Variants in GLT1D1 observed in about 807,000 individuals in gnomAD.
GLT1D1 encodes glycosyltransferase 1 domain-containing protein 1.
GLT1D1 carries 21 observed loss-of-function variants against 28.7 expected under a neutral mutation model. The ratio of observed to expected loss-of-function variants is 0.73; its 90% confidence interval spans 0.52 to 1.05. GLT1D1 has a LOEUF of 1.05. Ranked by LOEUF, GLT1D1 falls within the 50% of genes least tolerant of loss-of-function variation. The probability of loss-of-function intolerance (pLI) is 0.00; values close to 1 mark genes in which losing one functional copy is unlikely to be tolerated. For missense variants in GLT1D1, 343 were observed against 330.6 expected, an observed-to-expected ratio of 1.04 and a Z score of -0.29; for synonymous variants, 147 against 124.8, an observed-to-expected ratio of 1.18 and a Z score of -1.19.
chr12:128,899,093 A>G lies in GLT1D1; in HGVS notation c.324-143A>G, dbSNP rs920858419. On this transcript the variant is annotated intron_variant, in intron 3 of 7. Transcript: ENST00000281703. ...GAGTTGAGATTAAACCTAATGGCCA[A>G]TGACCACAAGTAATAAAGATTGATT... 1.1e-5 allele frequency: 7 copies of G among 646,452 alleles called. No homozygotes were observed. In the African/African-American group the frequency reaches 1.3e-4, roughly 12 times the overall value. 40.0% of individuals were successfully genotyped at this position (646,452 alleles called of 1,614,324 possible).
chr12:128,887,125 C>A (rs771999308), intron 2 of GLT1D1, among the ~76,000 whole-genome samples: 7 of 151,868 alleles, frequency 4.6e-5, no homozygotes, highest in Non-Finnish European at 8.8e-5. Context: ...GATTCTCATG[C>A]CTCAGCCTTC....
At chr12:128,967,692 AC>A (rs1256253452) in intron 7 of GLT1D1, among the ~76,000 whole-genome samples, 1 of 152,108 alleles carries the variant, frequency 6.6e-6, no homozygotes, top group Non-Finnish European at 1.5e-5. Flanking sequence ...TTCCCGTCTC[AC>A]TCTTACTTCG....
At chr12:128,879,296 T>C (rs774578329) in intron 2 of GLT1D1, among the ~76,000 whole-genome samples, 1 of 152,276 alleles carries the variant, frequency 6.6e-6, no homozygotes, top group South Asian at 2.1e-4. Flanking sequence ...CTTCCTGATG[T>C]TCTCCCTCTT....
At position 128,926,356 on chromosome 12, in the gene GLT1D1, C is replaced by T. The variant is rs1412209698; in HGVS notation, c.376-18970C>T. On this transcript the variant is annotated intron_variant, in intron 4 of 7. Transcript: ENST00000281703. ...GAAAACATTCTGAACTCTTCTCTTA[C>T]AGAGATTAACCAAAGTGCTGATAAT... The T allele has an allele frequency of 1.4e-6, 2 of 1,475,508 alleles. No individual in the cohort carries two copies. The highest frequency in any genetic ancestry group is 2.8e-5 in the African/African-American group (2 of 71,898). The allele number at this position is 1,475,508 out of a possible 1,614,324, so 91.4% of individuals were successfully genotyped here. A position where few individuals can be genotyped will look rare whatever the true frequency, so the allele number is the denominator to read the frequency against.
At chr12:128,926,293 A>T in intron 4 of GLT1D1, 66 bp from the exon 7 acceptor site, 1 of 699,562 alleles carries the variant, frequency 1.4e-6, no homozygotes, top group Non-Finnish European at 2.4e-6. Flanking sequence ...TGCATCTGTG[A>T]TGTCATTGCT....
chr12:128,908,390 TTC>T (rs202056151), intron 4 of GLT1D1, among the ~76,000 whole-genome samples: 17,305 of 133,308 alleles, frequency 0.13, 1,144 homozygotes, highest in East Asian at 0.26. Flanking sequence ...TTCTCTTTCT[TTC>T]TCTCTCTCTC....
intron 7 of GLT1D1, among the ~76,000 whole-genome samples, chr12:128,977,297 G>A (rs75177867): frequency 1.9e-3 from 291 of 152,260 alleles, no homozygotes; most frequent in Non-Finnish European, 3.6e-3. Flanking sequence ...TCTGAGGACG[G>A]TCATCAACTA....
chr12:128,984,558 A>G lies in GLT1D1; in HGVS notation c.*1468A>G, dbSNP rs1430336856. 1 of 152,086 alleles carries G rather than the reference A, an allele frequency of 6.6e-6. No homozygotes were observed. Among genetic ancestry groups the G allele is most frequent in the Non-Finnish European group, 1.5e-5 (1 of 68,106 alleles). 9.4% of individuals were successfully genotyped at this position (152,086 alleles called of 1,614,324 possible). A position where few individuals can be genotyped will look rare whatever the true frequency, so the allele number is the denominator to read the frequency against. On this transcript the variant is annotated 3_prime_UTR_variant, in exon 8 of 8. Coordinates refer to ENST00000281703, the MANE Select transcript of GLT1D1 (RefSeq NM_144669.3). ...CCAGCCGTGAGAGGACTGCTCAACAATGCCCCCCATCGCCGCCCCCCCACC... is the reference window on the plus strand; with the variant it reads ...CCAGCCGTGAGAGGACTGCTCAACAGTGCCCCCCATCGCCGCCCCCCCACC...
intron 2 of GLT1D1, among the ~76,000 whole-genome samples, chr12:128,884,726 A>C (rs1261013285): frequency 6.6e-6 from 1 of 152,124 alleles, no homozygotes; most frequent in Non-Finnish European, 1.5e-5. Context: ...AGGCAGGAGC[A>C]TCACTTGAAC....
intron 2 of GLT1D1, among the ~76,000 whole-genome samples, chr12:128,879,441 TCTTTCTTTCTTTCTTTC>T (rs1956973456): frequency 8.2e-6 from 1 of 121,716 alleles, no homozygotes; most frequent in Non-Finnish European, 1.7e-5. Context: ...TTTCTTTCTT[TCTTTCTTTCTTTCTTTC>T]TTTTTTTTGG....
At chr12:128,923,321 G>A (rs1032040055) in intron 4 of GLT1D1, among the ~76,000 whole-genome samples, 4 of 152,046 alleles carry the variant, frequency 2.6e-5, no homozygotes, top group East Asian at 1.9e-4. Context: ...GTTTTAGGTC[G>A]GCTTGTGTAA....
intron 7 of GLT1D1, among the ~76,000 whole-genome samples, chr12:128,976,343 G>A (rs1170562784): frequency 2.0e-5 from 3 of 152,160 alleles, no homozygotes; most frequent in Non-Finnish European, 4.4e-5. Context: ...GGGGACTGAG[G>A]GCGGGTATGT....
chr12:128,913,145 C>G (rs1232443899), intron 4 of GLT1D1, among the ~76,000 whole-genome samples: 3 of 152,192 alleles, frequency 2.0e-5, no homozygotes, highest in African/African-American at 7.2e-5. Flanking sequence ...TCATACTCCT[C>G]CTTCCTCCCT....
chr12:128,897,788 C>T (rs1196865358), intron 3 of GLT1D1, among the ~76,000 whole-genome samples: 4 of 152,116 alleles, frequency 2.6e-5, no homozygotes, highest in Non-Finnish European at 5.9e-5. Context: ...CCTGCCTCAG[C>T]CTCCCGAGTA....
intron 2 of GLT1D1, among the ~76,000 whole-genome samples, chr12:128,884,691 G>C (rs148660088): frequency 6.6e-6 from 1 of 152,044 alleles, no homozygotes; most frequent in Non-Finnish European, 1.5e-5. Context: ...GGCACTGCCT[G>C]TAATCCCAGC....
intron 4 of GLT1D1, among the ~76,000 whole-genome samples, chr12:128,909,467 A>G (rs5028540): frequency 0.12 from 18,598 of 152,208 alleles, 1,265 homozygotes; most frequent in East Asian, 0.25. Context: ...TGTATGGGCC[A>G]TCATTTCTTT....
intron 1 of GLT1D1, chr12:128,864,176 C>T (rs2135767571): frequency 1.5e-6 from 1 of 684,112 alleles, no homozygotes; most frequent in Middle Eastern, 2.3e-4. Flanking sequence ...TCAGACGACA[C>T]ACTGTAAGTT....
At chr12:128,944,068 A>T (rs1875708419) in intron 4 of GLT1D1, among the ~76,000 whole-genome samples, 1 of 152,240 alleles carries the variant, frequency 6.6e-6, no homozygotes, top group African/African-American at 2.4e-5. Flanking sequence ...CGTAAAACAC[A>T]CTAGATGATT....
In GLT1D1 at chr12:128,897,859, G is replaced by A. The variant is rs537088213; in HGVS notation, c.324-1377G>A. ...AATTTTTTGTATTTTTAGTAGAGAC[G>A]GGGTTTCACGGTGTTAGCCAGGTGG... On this transcript the variant is annotated intron_variant, in intron 3 of 7. Coordinates refer to ENST00000281703, the MANE Select transcript of GLT1D1 (RefSeq NM_144669.3). Among the ~76,000 whole-genome samples, 12 of 151,952 alleles carry A rather than the reference G, an allele frequency of 7.9e-5. No homozygotes were observed. The South Asian group carries it at 2.1e-3, about 26-fold the overall frequency.
Sources: gnomAD v4.1 joint callset for allele counts (sites outside exome capture counted in the v4.1 genomes callset) on GRCh38, gnomAD v4.1.1 for gene constraint, MANE v1.5 for transcripts, NCBI Gene and HGNC (gene_info 2026-07-23, HGNC 2026-07-21) for gene names.